PRKCA: variants seen among roughly 807,000 people sequenced by gnomAD.
PRKCA encodes the protein protein kinase C alpha type.
In PRKCA, 27 loss-of-function variants were observed where a neutral mutation model predicts 87.0. That is an observed-to-expected ratio of 0.31 (90% CI 0.23 to 0.43). The LOEUF is 0.43. Among genes scored for constraint, PRKCA ranks in the 20% least tolerant of loss-of-function variants. The probability of loss-of-function intolerance (pLI) is 1.00; values close to 1 mark genes in which losing one functional copy is unlikely to be tolerated. For synonymous variants in PRKCA, 329 were observed against 311.1 expected (o/e 1.06, Z -0.61); for missense variants, 518 against 852.3 (o/e 0.61, Z 4.88).
chr17:66,755,914 C>G (rs199645376), intron 13 of PRKCA, among the ~76,000 whole-genome samples: 14 of 152,274 alleles, frequency 9.2e-5, no homozygotes, highest in Admixed American at 2.6e-4. Context: ...ACAGGGCAAA[C>G]CACTGTCCCC....
intron 2 of PRKCA, among the ~76,000 whole-genome samples, chr17:66,400,294 G>A (rs1910945314): frequency 6.6e-6 from 1 of 152,204 alleles, no homozygotes; most frequent in Non-Finnish European, 1.5e-5. Flanking sequence ...TGGGACTACA[G>A]GTGCGTGCCA....
chr17:66,320,377 T>A (rs991373603), intron 2 of PRKCA, among the ~76,000 whole-genome samples: 4 of 144,228 alleles, frequency 2.8e-5, no homozygotes, highest in Non-Finnish European at 6.0e-5. Flanking sequence ...CAATACTCTA[T>A]TTTTTTTTTT....
chr17:66,640,039 C>T (rs1971249348), intron 3 of PRKCA, among the ~76,000 whole-genome samples: 1 of 151,874 alleles, frequency 6.6e-6, no homozygotes, highest in Non-Finnish European at 1.5e-5. Flanking sequence ...AAGCAGAGGC[C>T]CCAGAAGCAG....
intron 13 of PRKCA, among the ~76,000 whole-genome samples, chr17:66,747,266 T>C (rs1430725150): frequency 6.6e-6 from 1 of 152,174 alleles, no homozygotes; most frequent in Admixed American, 6.5e-5. Flanking sequence ...GATGGGGGTC[T>C]CGCTGTGTTG....
In PRKCA at chr17:66,806,726, T is replaced by C. The variant is rs946806871; in HGVS notation, c.*2689T>C. On this transcript the variant is annotated 3_prime_UTR_variant, in exon 17 of 17. Transcript: ENST00000413366. Reference sequence around the variant, plus strand: ...GCAACCCCAACACCCACAAGTTTGTTTCTCTAGGAAACACATTCACTGTCT... The same window carrying C: ...GCAACCCCAACACCCACAAGTTTGTCTCTCTAGGAAACACATTCACTGTCT... 2 of 152,200 alleles carry C rather than the reference T, an allele frequency of 1.3e-5. No homozygotes were observed. Among genetic ancestry groups the C allele is most frequent in the African/African-American group, 4.8e-5 (2 of 41,448 alleles). The allele number at this position is 152,200 out of a possible 1,614,324, so 9.4% of individuals were successfully genotyped here.
At chr17:66,458,721 T>A (rs1352936669) in intron 2 of PRKCA, among the ~76,000 whole-genome samples, 2 of 152,122 alleles carry the variant, frequency 1.3e-5, no homozygotes, top group Non-Finnish European at 2.9e-5. Flanking sequence ...GCTCAGGTGG[T>A]CCGCCCACCT....
chr17:66,575,215 C>T (rs899210228), intron 3 of PRKCA, among the ~76,000 whole-genome samples: 3 of 152,158 alleles, frequency 2.0e-5, no homozygotes, highest in Non-Finnish European at 2.9e-5. Flanking sequence ...AGGGATGATT[C>T]GCATCCCAGA....
At chr17:66,586,531 C>G (rs1226495072) in intron 3 of PRKCA, among the ~76,000 whole-genome samples, 1 of 152,166 alleles carries the variant, frequency 6.6e-6, no homozygotes, top group Non-Finnish European at 1.5e-5. Context: ...ATCCTTTCAA[C>G]CTTGGACCAG....
intron 2 of PRKCA, among the ~76,000 whole-genome samples, chr17:66,441,959 C>G (rs1447001693): frequency 6.6e-6 from 1 of 152,116 alleles, no homozygotes; most frequent in Non-Finnish European, 1.5e-5. Flanking sequence ...AAATATCACA[C>G]AGGACTGTGC....
intron 2 of PRKCA, among the ~76,000 whole-genome samples, chr17:66,332,989 C>A (rs1398323196): frequency 6.6e-6 from 1 of 152,206 alleles, no homozygotes; most frequent in Non-Finnish European, 1.5e-5. Flanking sequence ...ACGTGCCTGG[C>A]CGGTTCCTGA....
intron 5 of PRKCA, among the ~76,000 whole-genome samples, chr17:66,682,455 T>A (rs1291961210): frequency 2.0e-5 from 3 of 152,264 alleles, no homozygotes; most frequent in Non-Finnish European, 4.4e-5. Context: ...CTCCTCCTCA[T>A]AAAGGCTGCA....
intron 3 of PRKCA, among the ~76,000 whole-genome samples, chr17:66,619,489 C>T (rs1489138452): frequency 6.6e-6 from 1 of 152,214 alleles, no homozygotes. Flanking sequence ...ATGCCTGGCA[C>T]TTTCACATGG....
intron 5 of PRKCA, among the ~76,000 whole-genome samples, chr17:66,686,477 C>T (rs1055254587): frequency 1.3e-5 from 2 of 152,126 alleles, no homozygotes; most frequent in Non-Finnish European, 2.9e-5. Flanking sequence ...GGTGCTTGCC[C>T]CTGCTGCCCA....
chr17:66,679,941 A>G (rs10491203), intron 5 of PRKCA, among the ~76,000 whole-genome samples: 16,140 of 152,256 alleles, frequency 0.11, 921 homozygotes, highest in Middle Eastern at 0.17. Context: ...ATCTTTTTAC[A>G]TGAAATTAAT....
intron 5 of PRKCA, among the ~76,000 whole-genome samples, chr17:66,656,465 C>G (rs1206641809): frequency 1.3e-5 from 2 of 152,202 alleles, no homozygotes; most frequent in Non-Finnish European, 2.9e-5. Flanking sequence ...ATTTTAATTG[C>G]TTCTAATTAT....
At chr17:66,691,304 C>T (rs1567978580) in intron 8 of PRKCA, among the ~76,000 whole-genome samples, 1 of 152,074 alleles carries the variant, frequency 6.6e-6, no homozygotes, top group Non-Finnish European at 1.5e-5. Flanking sequence ...ATATATATTA[C>T]AATATGTATA....
At chr17:66,721,215 T>TTTAGTA (rs1973606581) in intron 8 of PRKCA, among the ~76,000 whole-genome samples, 1 of 151,852 alleles carries the variant, frequency 6.6e-6, no homozygotes, top group Non-Finnish European at 1.5e-5. Context: ...GCTAACATGG[T>TTTAGTA]GAAACCCCGT....
chr17:66,596,570 CCTT>C (rs1168174296), intron 3 of PRKCA, among the ~76,000 whole-genome samples: 23 of 98,808 alleles, frequency 2.3e-4, no homozygotes, highest in Admixed American at 1.4e-3. Flanking sequence ...AAATATTAAA[CCTT>C]TTTTTTTTTT....
chr17:66,717,301 G>A (rs1413257400), intron 8 of PRKCA, among the ~76,000 whole-genome samples: 1 of 152,134 alleles, frequency 6.6e-6, no homozygotes, highest in Non-Finnish European at 1.5e-5. Flanking sequence ...AGCTACAATG[G>A]CAGAGTTGGA....
Sources: gnomAD v4.1 joint callset for allele counts (sites outside exome capture counted in the v4.1 genomes callset) on GRCh38, gnomAD v4.1.1 for gene constraint, MANE v1.5 for transcripts, NCBI Gene and HGNC (gene_info 2026-07-23, HGNC 2026-07-21) for gene names.